The following MUC4 variants were observed in gnomAD, a reference collection of about 807,000 sequenced individuals.
MUC4 encodes mucin 4, cell surface associated, also known as mucin-4.
MUC4 carries 202 observed loss-of-function variants against 257.9 expected under a neutral mutation model. That is an observed-to-expected ratio of 0.78 (90% CI 0.70 to 0.88). MUC4 has a LOEUF of 0.88. Among genes scored for constraint, MUC4 ranks in the 40% least tolerant of loss-of-function variants. MUC4 has a pLI of 0.00. For missense variants in MUC4, 5,976 were observed against 6,513.7 expected (o/e 0.92, Z 2.84); for synonymous variants, 2,351 against 2,757.1 (o/e 0.85, Z 4.62).
chr3:195,800,388 T>G (rs955626097), intron 1 of MUC4, among the ~76,000 whole-genome samples: 1 of 152,244 alleles, frequency 6.6e-6, no homozygotes, highest in African/African-American at 2.4e-5. Flanking sequence ...AGTTTCCTGC[T>G]GCCGCAAATA....
At chr3:195,804,771 G>A (rs148418166) in intron 1 of MUC4, among the ~76,000 whole-genome samples, 12 of 152,376 alleles carry the variant, frequency 7.9e-5, no homozygotes, top group East Asian at 7.7e-4. Flanking sequence ...ACGCTGAACC[G>A]CTGGCCCCAC....
chr3:195,763,697 G>T (rs1719743259), intron 11 of MUC4, 56 bp from the exon 12 acceptor site: 3 of 1,417,348 alleles, frequency 2.1e-6, no homozygotes, highest in Non-Finnish European at 2.8e-6. Context: ...TAGGGCTGAG[G>T]TTCCTCACTG....
At chr3:195,763,785 G>T in intron 11 of MUC4, 144 bp from the exon 12 acceptor site, 1 of 1,029,534 alleles carries the variant, frequency 9.7e-7, no homozygotes, top group Non-Finnish European at 1.4e-6. Flanking sequence ...TTGTCCGGGC[G>T]GACTCAGCTG....
chr3:195,784,670 G>T lies in MUC4; in HGVS notation c.6910C>A (p.Pro2304Thr). The T allele has an allele frequency of 1.4e-6, 2 of 1,391,260 alleles. No homozygotes were observed. The highest frequency in any genetic ancestry group is 1.3e-5 in the South Asian group (1 of 78,552). 86.2% of individuals were successfully genotyped at this position (1,391,260 alleles called of 1,614,324 possible). Residue 2304 changes from proline to threonine, a missense_variant, in exon 2 of 25, where the codon CCT (proline) becomes ACT (threonine). Around this residue, in one of 44 missense-constraint regions of MUC4, gnomAD observed 62 missense variants for 74.0 expected, o/e 0.84. Transcript: ENST00000463781. ...GAGGAAGCGTCGGTGACATGAAGAG[G>T]GGTGGCGTGACCTGTGGATGCTGAG... ...PSSASTGHAT[P>T]LHVTDASSAS...
chr3:195,753,365 C>T (rs1716867016), intron 19 of MUC4, 135 bp from the exon 20 acceptor site: 2 of 814,704 alleles, frequency 2.5e-6, no homozygotes, highest in Non-Finnish European at 3.9e-6. Flanking sequence ...CCCAAACCAT[C>T]CTTCCCCCCT....
In MUC4 at chr3:195,810,692, C is replaced by T. The variant is rs116757344; in HGVS notation, c.82+1044G>A. ...GGCCGCCTCCTCCGCACCACCCTCC[C>T]GGCCGGCCTGCCCCTCTCCTCCTTG... On this transcript the variant is annotated intron_variant, in intron 1 of 24. Transcript: ENST00000463781. This position sits in a 1 kb window ranked among gnomAD's most constrained non-coding sequence, Gnocchi z 4.2. 7.0e-3 allele frequency among the ~76,000 whole-genome samples: 1,070 copies of T among 152,288 alleles called. 7 individuals are homozygous for T. The highest frequency in any genetic ancestry group is 0.014 in the Middle Eastern group (4 of 294).
chr3:195,757,363 G>T lies in MUC4; in HGVS notation c.14987-35C>A. ...GGAAGATGAGAATGTTGAGAGCTGG[G>T]AGACTCCTCGGCTCTGTGGTCTGAT... On this transcript the variant is annotated intron_variant, in intron 17 of 24. Transcript: ENST00000463781. The surrounding 1 kb of genome is among the most constrained non-coding windows in gnomAD (Gnocchi z 4.8). 1.3e-6 allele frequency: 2 copies of T among 1,565,802 alleles called. No homozygotes were observed. Among genetic ancestry groups the T allele is most frequent in the Non-Finnish European group, 8.7e-7 (1 of 1,146,214 alleles).
chr3:195,777,899 G>C (rs111960305), intron 3 of MUC4, among the ~76,000 whole-genome samples: 1,709 of 31,100 alleles, frequency 0.055, 100 homozygotes, highest in Middle Eastern at 0.17. Context: ...ACCTTCCACA[G>C]CCATACCTTC....
chr3:195,766,561 C>T (rs1191356346), intron 8 of MUC4, 102 bp downstream of exon 8: 19 of 1,036,424 alleles, frequency 1.8e-5, no homozygotes, highest in Admixed American at 3.7e-5. Flanking sequence ...TCAGGATGGC[C>T]GTGATGTTAG....
At chr3:195,802,537 G>T (rs930652289) in intron 1 of MUC4, among the ~76,000 whole-genome samples, 32 of 152,258 alleles carry the variant, frequency 2.1e-4, no homozygotes, top group Non-Finnish European at 2.2e-4. Context: ...AGGTCCTGGG[G>T]TCACAGACTG....
chr3:195,767,129 G>C (rs987551830), intron 7 of MUC4, among the ~76,000 whole-genome samples: 3 of 152,092 alleles, frequency 2.0e-5, no homozygotes, highest in African/African-American at 7.2e-5. Context: ...TGATGGTTAA[G>C]ACCCAGTTTC....
intron 18 of MUC4, 82 bp from the exon 19 acceptor site, chr3:195,754,454 C>G: frequency 6.7e-7 from 1 of 1,497,932 alleles, no homozygotes; most frequent in South Asian, 1.3e-5. Context: ...ACCCCTTTGG[C>G]CTGAGAACCC....
At chr3:195,805,771 A>G (rs1221736624) in intron 1 of MUC4, among the ~76,000 whole-genome samples, 1 of 150,456 alleles carries the variant, frequency 6.6e-6, no homozygotes, top group East Asian at 2.0e-4. Context: ...TGCTGGGATG[A>G]CAGCCATGAG....
intron 4 of MUC4, 33 bp from the exon 5 acceptor site, chr3:195,771,849 G>A (rs566998405): frequency 7.3e-5 from 117 of 1,605,502 alleles, no homozygotes; most frequent in South Asian, 4.9e-4. Context: ...CAGCATTCAG[G>A]GAGGGAAGTG....
chr3:195,763,955 C>T (rs772397712), intron 11 of MUC4, 90 bp downstream of exon 11: 82 of 1,475,316 alleles, frequency 5.6e-5, no homozygotes, highest in Non-Finnish European at 7.1e-5. Context: ...CACAGCTCTG[C>T]CCCTACTCCT....
At chr3:195,753,651 G>C in intron 19 of MUC4, 1 of 241,742 alleles carries the variant, frequency 4.1e-6, no homozygotes, top group Non-Finnish European at 7.8e-6. Context: ...TAGGGGGCTT[G>C]GTAAAGGCCT....
chr3:195,794,219 C>T (rs1018875896), intron 1 of MUC4, among the ~76,000 whole-genome samples: 1 of 151,858 alleles, frequency 6.6e-6, no homozygotes, highest in South Asian at 2.1e-4. Flanking sequence ...ATACCATCTT[C>T]GTGAATATTA....
chr3:195,770,911 T>C (rs1235092499), intron 5 of MUC4: 1 of 456,798 alleles, frequency 2.2e-6, no homozygotes, highest in East Asian at 6.9e-5. Context: ...AAAGGCTGAA[T>C]TGTCAGCCCC....
At position 195,779,344 on chromosome 3, in the gene MUC4, C is replaced by T. The variant is rs201606843; in HGVS notation, c.12236G>A (p.Ser4079Asn). ...SPSSASRGDT[S>N]TLPVTDASSA... Reference sequence around the variant, plus strand: ...GGAAGCATCGGTGACAGGAAGAGTGCTGGTGTCACCTCTGGATGCTGAGGA... The same window carrying T: ...GGAAGCATCGGTGACAGGAAGAGTGTTGGTGTCACCTCTGGATGCTGAGGA... Residue 4079 changes from serine (S) to asparagine (N), a missense_variant, in exon 2 of 25, where the codon AGC becomes AAC. Coordinates refer to ENST00000463781, the MANE Select transcript of MUC4 (RefSeq NM_018406.7). 1 of 925,112 alleles carries T rather than the reference C, an allele frequency of 1.1e-6. No individual in the cohort carries two copies. Among genetic ancestry groups the T allele is most frequent in the South Asian group, 1.8e-5 (1 of 55,082 alleles). The allele number at this position is 925,112 out of a possible 1,614,324, so 57.3% of individuals were successfully genotyped here. A position where few individuals can be genotyped will look rare whatever the true frequency, so the allele number is the denominator to read the frequency against.
Sources: gnomAD v4.1 joint callset for allele counts (sites outside exome capture counted in the v4.1 genomes callset) on GRCh38, gnomAD v4.1.1 for gene constraint, gnomAD v4.1.1 regional missense constraint, Gnocchi (gnomAD v3.1) non-coding constraint, MANE v1.5 for transcripts, NCBI Gene and HGNC (gene_info 2026-07-23, HGNC 2026-07-21) for gene names.